Variants in CHLSN observed in about 807,000 individuals in gnomAD.
CHLSN encodes protein cholesin.
the CHLSN span, among the ~76,000 whole-genome samples, chr7:1,108,666 G>A: frequency 2.0e-5 from 3 of 152,152 alleles, no homozygotes; most frequent in Non-Finnish European, 4.4e-5. Context: ...AGTGGCTCTC[G>A]GCTAGGAGGG....
the CHLSN span, among the ~76,000 whole-genome samples, chr7:1,115,763 A>G: frequency 8.9e-4 from 98 of 110,702 alleles, 4 homozygotes; most frequent in Admixed American, 1.1e-3. Context: ...TGACATCACT[A>G]CAGCACTACG....
chr7:1,097,702 GA>G, the CHLSN span, among the ~76,000 whole-genome samples: 50 of 152,164 alleles, frequency 3.3e-4, no homozygotes, highest in Admixed American at 9.8e-4. This position sits in a 1 kb window ranked among gnomAD's most constrained non-coding sequence, Gnocchi z 4.3. Context: ...AGTGCTCGGG[GA>G]AAGGTCACCA....
chr7:997,720 C>T, the CHLSN span: 1 of 1,611,730 alleles, frequency 6.2e-7, no homozygotes, highest in Non-Finnish European at 8.5e-7. Context: ...ATCAGGGCTT[C>T]CGCCTTCTGC....
At chr7:985,153 G>T in the CHLSN span, 1 of 1,593,162 alleles carries the variant, frequency 6.3e-7, no homozygotes. Context: ...CCTGAGGCCC[G>T]TCTCCCTCGC....
At chr7:1,028,536 C>G in the CHLSN span, 30 of 985,078 alleles carry the variant, frequency 3.0e-5, no homozygotes, top group Non-Finnish European at 3.6e-5. Context: ...ACTGCTCCTC[C>G]GACGAGGCTC....
At chr7:1,131,826 ATAT>A in the CHLSN span, among the ~76,000 whole-genome samples, 3 of 152,246 alleles carry the variant, frequency 2.0e-5, 1 homozygote, top group East Asian at 5.8e-4. Flanking sequence ...AGACTTTTCC[ATAT>A]TATGGAAAGG....
At chr7:1,061,804 C>T in the CHLSN span, among the ~76,000 whole-genome samples, 3 of 146,330 alleles carry the variant, frequency 2.1e-5, no homozygotes, top group Non-Finnish European at 4.4e-5. Context: ...GCAGCCATCT[C>T]CCCGACTCCC....
At chr7:1,127,528 A>T in the CHLSN span, 1 of 817,008 alleles carries the variant, frequency 1.2e-6, no homozygotes, top group South Asian at 2.1e-5. Context: ...GTTAAAATAA[A>T]CTCAAACTCC....
the CHLSN span, among the ~76,000 whole-genome samples, chr7:1,117,646 C>T: frequency 0.24 from 29,523 of 122,052 alleles, 5,005 homozygotes; most frequent in African/African-American, 0.26. Flanking sequence ...TACAGCTCTA[C>T]GGACCGGCTT....
chr7:1,026,136 C>G, the CHLSN span: 1 of 152,348 alleles, frequency 6.6e-6, no homozygotes, highest in African/African-American at 2.4e-5. Flanking sequence ...CCCCTCGGCT[C>G]CAGCTCCCCA....
the CHLSN span, among the ~76,000 whole-genome samples, chr7:1,041,259 G>A: frequency 2.7e-5 from 4 of 149,478 alleles, no homozygotes; most frequent in Admixed American, 2.0e-4. Flanking sequence ...TGGGCTCCGC[G>A]CTGCGGGGAA....
At chr7:1,011,549 C>T in the CHLSN span, among the ~76,000 whole-genome samples, 2 of 150,808 alleles carry the variant, frequency 1.3e-5, no homozygotes, top group Non-Finnish European at 3.0e-5. Flanking sequence ...CCACAAACAC[C>T]CAGATACCCA....
the CHLSN span, chr7:1,055,563 G>A: frequency 2.4e-6 from 1 of 411,246 alleles, no homozygotes; most frequent in Non-Finnish European, 4.9e-6. Context: ...GGGACGTGGG[G>A]GACTCTGTGC....
the CHLSN span, among the ~76,000 whole-genome samples, chr7:1,002,352 G>C: frequency 7.9e-6 from 1 of 126,840 alleles, no homozygotes; most frequent in Non-Finnish European, 1.7e-5. Context: ...TGGGTGGGGA[G>C]TCCTGTGGGT....
the CHLSN span, chr7:997,602 GGCCCC>G: frequency 5.9e-5 from 89 of 1,518,214 alleles, no homozygotes; most frequent in African/African-American, 1.2e-3. Flanking sequence ...ACTGGGCAGC[GGCCCC>G]GCCCCGCGCT....
At chr7:1,004,989 T>C in the CHLSN span, among the ~76,000 whole-genome samples, 3 of 151,934 alleles carry the variant, frequency 2.0e-5, no homozygotes, top group East Asian at 3.9e-4. Flanking sequence ...GCTAGCCTAC[T>C]GGGCTTTAAA....
the CHLSN span, among the ~76,000 whole-genome samples, chr7:1,108,535 G>A: frequency 2.0e-5 from 3 of 152,200 alleles, no homozygotes; most frequent in Non-Finnish European, 4.4e-5. Flanking sequence ...CCCATGAGGC[G>A]GGGGCAGTGC....
At chr7:1,091,254 A>C in the CHLSN span, among the ~76,000 whole-genome samples, 16 of 152,178 alleles carry the variant, frequency 1.1e-4, no homozygotes, top group African/African-American at 3.9e-4. Flanking sequence ...GCTCAACCAC[A>C]GCCACCTCCC....
At chr7:988,812 C>T in the CHLSN span, 312,691 of 1,573,152 alleles carry the variant, frequency 0.2, 33,269 homozygotes, top group East Asian at 0.34. Flanking sequence ...TGTGCGGTGC[C>T]CAGGCCCTAG....
Sources: gnomAD v4.1 joint callset for allele counts (sites outside exome capture counted in the v4.1 genomes callset) on GRCh38, gnomAD v4.1.1 for gene constraint, Gnocchi (gnomAD v3.1) non-coding constraint, MANE v1.5 for transcripts, NCBI Gene and HGNC (gene_info 2026-07-23, HGNC 2026-07-21) for gene names.